Variants in DSG2 observed in about 807,000 individuals in gnomAD.
The protein encoded by DSG2 is desmoglein 2.
DSG2 carries 45 observed loss-of-function variants against 75.6 expected under a neutral mutation model. The observed-to-expected ratio is 0.60, with a 90% CI of 0.47 to 0.76. The LOEUF (loss-of-function observed/expected upper bound fraction) is 0.76. DSG2 is among the 30% of genes least tolerant of loss of function. The pLI is 0.00. For missense variants in DSG2, 1,267 were observed against 1,357.4 expected (o/e 0.93, Z 1.05); for synonymous variants, 429 against 483.9 (o/e 0.89, Z 1.49).
intron 1 of DSG2, among the ~76,000 whole-genome samples, chr18:31,512,649 C>T (rs2073073314): frequency 6.6e-6 from 1 of 152,236 alleles, no homozygotes; most frequent in Non-Finnish European, 1.5e-5. Context: ...ATCCCTGTGA[C>T]ATCATCATCA....
chr18:31,542,170 G>T, intron 13 of DSG2: 1 of 343,056 alleles, frequency 2.9e-6, no homozygotes, highest in Admixed American at 4.3e-5. Flanking sequence ...TTTATTTTGG[G>T]TGGCCATGGA....
chr18:31,538,585 GC>G (rs1294747353), intron 11 of DSG2, among the ~76,000 whole-genome samples, 165 bp from the exon 12 acceptor site: 1 of 152,166 alleles, frequency 6.6e-6, no homozygotes, highest in Non-Finnish European at 1.5e-5. Context: ...CATATTCAGG[GC>G]CTATAGACAA....
Position 31,507,330 on chromosome 18 carries a change from A to G in DSG2, c.45+9034A>G, listed in dbSNP as rs189453559. On this transcript the variant is annotated intron_variant, in intron 1 of 14. Coordinates refer to ENST00000261590, the MANE Select transcript of DSG2 (RefSeq NM_001943.5). ...ATTTTCTTTATCCAGTCTATCATTGATGGGCATTTGGGTTGGTTCCAAGTT... is the reference window on the plus strand; with the variant it reads ...ATTTTCTTTATCCAGTCTATCATTGGTGGGCATTTGGGTTGGTTCCAAGTT... Among the ~76,000 whole-genome samples the G allele has an allele frequency of 4.6e-4, 70 of 152,244 alleles. 1 individual carries two copies. The South Asian group carries it at 0.011, about 24-fold the overall frequency.
chr18:31,542,291 G>A lies in DSG2; in HGVS notation c.2002-229G>A, dbSNP rs547009978. On this transcript the variant is annotated intron_variant, in intron 13 of 14. Transcript: ENST00000261590. ...TAGAGTAAAGGAGCTGAGACTGTTT[G>A]GGCTTTGTTTTCTCTTTGGGTTCTA... 20 of 592,424 alleles carry A rather than the reference G, an allele frequency of 3.4e-5. No individual in the cohort carries two copies. In the East Asian group the frequency reaches 4.6e-4, roughly 14 times the overall value. The allele number at this position is 592,424 out of a possible 1,614,324, so 36.7% of individuals were successfully genotyped here.
chr18:31,499,260 T>G (rs888236150), intron 1 of DSG2, among the ~76,000 whole-genome samples: 7 of 152,182 alleles, frequency 4.6e-5, no homozygotes, highest in African/African-American at 1.7e-4. Context: ...TCTTACGTAA[T>G]AATTAAAAAT....
rs1366444341 is a variant in DSG2, at chr18:31,522,166, C to G, written c.607C>G (p.Leu203Val). 1.9e-6 allele frequency: 3 copies of G among 1,613,826 alleles called. No homozygotes were observed. The change falls in exon 6 of 15, where the codon CTG (leucine) becomes GTG (valine). Residue 203 changes from leucine to valine, a missense_variant. By Grantham distance (32) the Leu-to-Val change is conservative. Coordinates refer to ENST00000261590, the MANE Select transcript of DSG2 (RefSeq NM_001943.5). ...GAAAATTTCCTATAGAATCGTATCT[C>G]TGGAGCCTGCTTATCCTCCAGTGTT... The part of the protein sequence containing the change: ...NSKISYRIVS[L>V]EPAYPPVFYL...
Position 31,498,271 on chromosome 18 carries a change from G to T in DSG2, c.20G>T (p.Arg7Leu). Residue 7 changes from arginine to leucine, a missense_variant, in exon 1 of 15, where the codon CGC becomes CTC. By Grantham distance (102) the Arg-to-Leu change is moderately radical. Transcript: ENST00000261590. MARSPG[R>L]AYALLLLLIC... ...GGTGCGATGGCGCGGAGCCCGGGAC[G>T]CGCGTACGCCCTGCTGCTTCTCCTG... 3 of 1,263,260 alleles carry T rather than the reference G, an allele frequency of 2.4e-6. No homozygotes were observed. The highest frequency in any genetic ancestry group is 3.0e-6 in the Non-Finnish European group (3 of 999,984). 78.3% of individuals were successfully genotyped at this position (1,263,260 alleles called of 1,614,324 possible). A position where few individuals can be genotyped will look rare whatever the true frequency, so the allele number is the denominator to read the frequency against.
At chr18:31,522,788 A>C (rs2144319014) in intron 6 of DSG2, among the ~76,000 whole-genome samples, 1 of 152,230 alleles carries the variant, frequency 6.6e-6, no homozygotes, top group South Asian at 2.1e-4. Flanking sequence ...AGTACGTAGG[A>C]GGCAGTGAGG....
intron 12 of DSG2, among the ~76,000 whole-genome samples, chr18:31,539,391 C>G (rs2073252520): frequency 6.6e-6 from 1 of 152,264 alleles, no homozygotes; most frequent in South Asian, 2.1e-4. Flanking sequence ...TTTACAAACC[C>G]AGTTTATTCC....
At chr18:31,510,588 AG>A (rs1323102292) in intron 1 of DSG2, among the ~76,000 whole-genome samples, 1 of 151,882 alleles carries the variant, frequency 6.6e-6, no homozygotes, top group Non-Finnish European at 1.5e-5. Flanking sequence ...ATGCCTCTGC[AG>A]GAAAAAAAAA....
At chr18:31,539,062 T>C (rs2073250373) in intron 12 of DSG2, 84 bp downstream of exon 12, 1 of 1,324,164 alleles carries the variant, frequency 7.6e-7, no homozygotes, top group Non-Finnish European at 1.1e-6. Context: ...GTCATTGATT[T>C]CTTCACAGTT....
chr18:31,521,330 A>C, intron 5 of DSG2, 87 bp downstream of exon 5: 1 of 1,353,344 alleles, frequency 7.4e-7, no homozygotes, highest in African/African-American at 1.5e-5. Context: ...TTCATATCTT[A>C]ATGAAAGTTG....
At chr18:31,534,508 ATT>A (rs80270967) in intron 9 of DSG2, among the ~76,000 whole-genome samples, 1,852 of 112,486 alleles carry the variant, frequency 0.016, 22 homozygotes, top group African/African-American at 0.052. Context: ...ATGATCATTG[ATT>A]TTTTTTTTTT....
At chr18:31,533,991 C>CTT (rs55789239) in intron 9 of DSG2, among the ~76,000 whole-genome samples, 15,012 of 125,866 alleles carry the variant, frequency 0.12, 1,106 homozygotes, top group African/African-American at 0.18. Flanking sequence ...TCTTTTTTTT[C>CTT]TTTTTTTTTT....
Position 31,547,294 on chromosome 18 carries a change from G to T in DSG2, c.*551G>T. On this transcript the variant is annotated 3_prime_UTR_variant, in exon 15 of 15. Transcript: ENST00000261590. ...TTCAATCTGTGTGATTCATTAAATT[G>T]GACCATTGATGATAAGAATACACAT... 4.9e-6 allele frequency: 1 copy of T among 205,070 alleles called. No homozygotes were observed. Among genetic ancestry groups the T allele is most frequent in the Non-Finnish European group, 9.9e-6 (1 of 100,870 alleles). The allele number at this position is 205,070 out of a possible 1,614,324, so 12.7% of individuals were successfully genotyped here. A position where few individuals can be genotyped will look rare whatever the true frequency, so the allele number is the denominator to read the frequency against.
rs1361961928 is a variant in DSG2, at chr18:31,524,808, T to C, written c.934T>C (p.Phe312Leu). Residue 312 changes from phenylalanine (F) to leucine (L), a missense_variant, in exon 8 of 15, where the codon TTT becomes CTT. Transcript: ENST00000261590. ...GSDNWLANFT[F>L]ASGNEGGYFH... The stretch of plus-strand genomic sequence containing the variant: ...TGATAATTGGCTGGCAAATTTTACA[T>C]TTGCATCAGGAAATGAAGGAGGTTA... 4 of 1,614,048 alleles carry C rather than the reference T, an allele frequency of 2.5e-6. No homozygotes were observed. Among genetic ancestry groups the C allele is most frequent in the Non-Finnish European group, 3.4e-6 (4 of 1,180,030 alleles).
intron 1 of DSG2, among the ~76,000 whole-genome samples, chr18:31,509,341 T>G (rs2144296781): frequency 6.6e-6 from 1 of 152,294 alleles, no homozygotes; most frequent in African/African-American, 2.4e-5. Flanking sequence ...TTTTGGTAAG[T>G]CATGTACTTT....
intron 1 of DSG2, among the ~76,000 whole-genome samples, chr18:31,499,826 A>G (rs1383026728): frequency 9.9e-5 from 15 of 152,200 alleles, no homozygotes; most frequent in Admixed American, 9.8e-4. Context: ...CATTTTAGCA[A>G]TTTGATACTT....
intron 1 of DSG2, among the ~76,000 whole-genome samples, chr18:31,499,877 G>A (rs1167069897): frequency 3.3e-5 from 5 of 151,968 alleles, no homozygotes; most frequent in African/African-American, 7.3e-5. Flanking sequence ...TTTAGAAAGC[G>A]ACTATAGCCA....
Sources: allele counts gnomAD v4.1 joint callset (sites outside exome capture counted in the v4.1 genomes callset), GRCh38; gene constraint gnomAD v4.1.1; transcripts MANE v1.5; gene names NCBI Gene and HGNC (gene_info 2026-07-23, HGNC 2026-07-21).